Variants in NRG1 observed in about 807,000 individuals in gnomAD.
NRG1 encodes pro-neuregulin-1, membrane-bound isoform.
In NRG1, 18 loss-of-function variants were observed where a neutral mutation model predicts 63.8. That is an observed-to-expected ratio of 0.28 (90% confidence interval 0.19 to 0.42). NRG1 has a LOEUF of 0.42. Ranked by LOEUF, NRG1 falls within the 10% of genes least tolerant of loss-of-function variation. The pLI is 1.00. For synonymous variants in NRG1, 302 were observed against 301.3 expected (o/e 1.00, Z -0.02); for missense variants, 762 against 814.7 (o/e 0.94, Z 0.79).
intron 1 of NRG1, among the ~76,000 whole-genome samples, chr8:31,739,974 T>C (rs373377626): frequency 2.2e-4 from 34 of 152,194 alleles, no homozygotes; most frequent in African/African-American, 6.3e-4. Context: ...GACCAGGCTA[T>C]CATTCTTAAG....
chr8:32,127,704 T>C (rs1052424928), intron 1 of NRG1, among the ~76,000 whole-genome samples: 1 of 151,732 alleles, frequency 6.6e-6, no homozygotes, highest in African/African-American at 2.4e-5. Flanking sequence ...TCTGATTAGG[T>C]TGAAATCAGG....
intron 1 of NRG1, among the ~76,000 whole-genome samples, chr8:32,565,063 C>A (rs1452290903): frequency 6.9e-6 from 1 of 144,892 alleles, no homozygotes; most frequent in African/African-American, 2.4e-5. Context: ...GAGAAAGACC[C>A]AGTCTCAAAA....
chr8:32,367,600 T>C (rs1218775067), intron 1 of NRG1, among the ~76,000 whole-genome samples: 1 of 152,216 alleles, frequency 6.6e-6, no homozygotes, highest in Non-Finnish European at 1.5e-5. Flanking sequence ...ATGAATAGTT[T>C]GTAAAGATTT....
intron 1 of NRG1, among the ~76,000 whole-genome samples, chr8:32,039,530 T>C (rs745448655): frequency 6.6e-6 from 1 of 152,230 alleles, no homozygotes; most frequent in Non-Finnish European, 1.5e-5. Context: ...TAAATGTGAA[T>C]GTTTACTATT....
At chr8:32,529,416 C>T (rs1257574647) in intron 1 of NRG1, among the ~76,000 whole-genome samples, 3 of 152,144 alleles carry the variant, frequency 2.0e-5, no homozygotes, top group Non-Finnish European at 4.4e-5. Flanking sequence ...ATAGGCTGCA[C>T]TAAATATGTA....
At chr8:32,625,511 G>A (rs1389605627) in intron 5 of NRG1, among the ~76,000 whole-genome samples, 1 of 152,224 alleles carries the variant, frequency 6.6e-6, no homozygotes, top group Admixed American at 6.5e-5. Context: ...GAGAGAGCGA[G>A]AGAGAGAATG....
At chr8:31,639,844 A>AC (rs1225512711) in intron 1 of NRG1, 1 of 1,133,590 alleles carries the variant, frequency 8.8e-7, no homozygotes. Flanking sequence ...CTACCCCTGC[A>AC]CCCCCAATAA....
At chr8:32,495,540 G>A (rs1227691755) in intron 1 of NRG1, among the ~76,000 whole-genome samples, 4 of 151,908 alleles carry the variant, frequency 2.6e-5, no homozygotes, top group African/African-American at 9.7e-5. Flanking sequence ...TCGGCTCACT[G>A]AAACCTCTGC....
intron 1 of NRG1, among the ~76,000 whole-genome samples, chr8:31,754,894 C>T (rs1393611846): frequency 2.0e-5 from 3 of 152,044 alleles, no homozygotes; most frequent in Admixed American, 2.0e-4. Flanking sequence ...CTGCCATTTT[C>T]TAGGCACTGG....
At chr8:31,858,035 C>T (rs1828090359) in intron 1 of NRG1, among the ~76,000 whole-genome samples, 1 of 152,092 alleles carries the variant, frequency 6.6e-6, no homozygotes, top group African/African-American at 2.4e-5. Context: ...CATGGTGGCT[C>T]ACGCCTGTAA....
At chr8:31,732,223 G>A (rs184904610) in intron 1 of NRG1, among the ~76,000 whole-genome samples, 16 of 152,206 alleles carry the variant, frequency 1.1e-4, no homozygotes, top group Middle Eastern at 3.4e-3. Flanking sequence ...ACGTTATCAC[G>A]ATTAGACAAT....
At chr8:31,654,603 A>T (rs138314321) in intron 1 of NRG1, among the ~76,000 whole-genome samples, 2 of 152,316 alleles carry the variant, frequency 1.3e-5, no homozygotes, top group Non-Finnish European at 2.9e-5. Context: ...TCAATAAGGG[A>T]TATATCTCTT....
intron 1 of NRG1, among the ~76,000 whole-genome samples, chr8:32,515,115 AT>A (rs1291007423): frequency 6.6e-6 from 1 of 151,928 alleles, no homozygotes; most frequent in Non-Finnish European, 1.5e-5. Flanking sequence ...AGAATGATTT[AT>A]TTTCCTTTGG....
At chr8:31,678,623 A>G (rs920127887) in intron 1 of NRG1, among the ~76,000 whole-genome samples, 7 of 151,366 alleles carry the variant, frequency 4.6e-5, no homozygotes, top group African/African-American at 1.7e-4. Flanking sequence ...TTTACTTTGA[A>G]TTAAAAAAGA....
intron 1 of NRG1, among the ~76,000 whole-genome samples, chr8:31,727,801 A>C (rs1813598975): frequency 6.6e-6 from 1 of 152,190 alleles, no homozygotes; most frequent in Admixed American, 6.6e-5. Context: ...TAAATTAGGC[A>C]CAGTAGGAGA....
chr8:32,249,869 T>C (rs16879027), intron 1 of NRG1, among the ~76,000 whole-genome samples: 2,751 of 152,136 alleles, frequency 0.018, 81 homozygotes, highest in African/African-American at 0.063. Context: ...ATGGAGAACA[T>C]TGATTTATGG....
chr8:31,982,748 T>C (rs1210814511), intron 1 of NRG1, among the ~76,000 whole-genome samples: 2 of 152,118 alleles, frequency 1.3e-5, no homozygotes, highest in Non-Finnish European at 2.9e-5. Context: ...TCCACATCTC[T>C]CATGAAATTA....
chr8:31,822,384 G>C (rs1824089558), intron 1 of NRG1, among the ~76,000 whole-genome samples: 1 of 151,962 alleles, frequency 6.6e-6, no homozygotes, highest in Non-Finnish European at 1.5e-5. Flanking sequence ...TGGTTATGCT[G>C]ACACTAGCCT....
At chr8:32,702,867 T>C (rs1815323781) in intron 5 of NRG1, among the ~76,000 whole-genome samples, 1 of 152,138 alleles carries the variant, frequency 6.6e-6, no homozygotes, top group African/African-American at 2.4e-5. Context: ...GAGAAGGCTG[T>C]TTAGACTGTT....
Sources: gnomAD v4.1 joint callset for allele counts (sites outside exome capture counted in the v4.1 genomes callset) on GRCh38, gnomAD v4.1.1 for gene constraint, MANE v1.5 for transcripts, NCBI Gene and HGNC (gene_info 2026-07-23, HGNC 2026-07-21) for gene names.